DNAJC18: variants seen among roughly 807,000 people sequenced by gnomAD.
DNAJC18 encodes the protein DnaJ heat shock protein family (Hsp40) member C18, also known as dnaJ homolog subfamily C member 18.
DNAJC18 carries 40 observed loss-of-function variants against 48.6 expected under a neutral mutation model. That is an observed-to-expected ratio of 0.82 (90% CI 0.64 to 1.07). DNAJC18 has a LOEUF of 1.07. Among genes scored for constraint, DNAJC18 ranks in the 50% least tolerant of loss-of-function variants. The pLI, the probability that DNAJC18 is intolerant of heterozygous loss-of-function variation, is 0.00. For missense variants in DNAJC18, 340 were observed against 427.7 expected (o/e 0.79, Z 1.81); for synonymous variants, 135 against 152.2 (o/e 0.89, Z 0.83).
At position 139,424,905 on chromosome 5, in the gene DNAJC18, A is replaced by T. The variant is rs1195931799; in HGVS notation, c.669+100T>A. 3.0e-6 allele frequency: 3 copies of T among 1,012,118 alleles called. No homozygotes were observed. The African/African-American group carries it at 4.9e-5, about 16-fold the overall frequency. The allele number at this position is 1,012,118 out of a possible 1,614,324, so 62.7% of individuals were successfully genotyped here. A position where few individuals can be genotyped will look rare whatever the true frequency, so the allele number is the denominator to read the frequency against. On this transcript the variant is annotated intron_variant, in intron 5 of 7. Transcript: ENST00000302060. ...TCCTAAAGCACATCTTTCCTAAAGC[A>T]ACATATCTCAGGTTCAACTTCTAAA... is the stretch of plus-strand genomic sequence containing the variant.
At chr5:139,417,740 A>C (rs954945968) in intron 7 of DNAJC18, among the ~76,000 whole-genome samples, 1 of 151,826 alleles carries the variant, frequency 6.6e-6, no homozygotes, top group Admixed American at 6.6e-5. Flanking sequence ...CACCCAGCTA[A>C]TTTTTGTATT....
At chr5:139,421,392 T>C (rs1302773844) in intron 6 of DNAJC18, among the ~76,000 whole-genome samples, 3 of 152,052 alleles carry the variant, frequency 2.0e-5, no homozygotes, top group Non-Finnish European at 2.9e-5. Context: ...GGGATTACAG[T>C]GAGCCAAGAT....
intron 2 of DNAJC18, among the ~76,000 whole-genome samples, chr5:139,435,740 G>T (rs1750644175): frequency 1.7e-4 from 2 of 11,770 alleles, no homozygotes; most frequent in Non-Finnish European, 2.6e-4. Flanking sequence ...TTTCAGACAA[G>T]GTCTCCCTCT....
At chr5:139,437,314 A>C in intron 2 of DNAJC18, 58 bp downstream of exon 2, 2 of 1,525,162 alleles carry the variant, frequency 1.3e-6, no homozygotes, top group Non-Finnish European at 1.8e-6. Context: ...TAGCACATCC[A>C]GGCACTCTTC....
Position 139,426,244 on chromosome 5 carries a change from A to G in DNAJC18, c.487T>C (p.Tyr163His), listed in dbSNP as rs1375313196. The change falls in exon 4 of 8, where the codon TAC becomes CAC. Residue 163 changes from tyrosine (Y) to histidine (H), a missense_variant. Tyr to His is a moderately conservative substitution (Grantham distance 83). Coordinates refer to ENST00000302060, the MANE Select transcript of DNAJC18 (RefSeq NM_152686.4). ...GTGATGTCAGCTTCAAAATCCCTGTAATAATTATAAGGTCTGGCTCGAGGG... is the reference window on the plus strand; with the variant it reads ...GTGATGTCAGCTTCAAAATCCCTGTGATAATTATAAGGTCTGGCTCGAGGG... ...TAPRARPYNY[Y>H]RDFEADITPE... The G allele has an allele frequency of 1.9e-6, 3 of 1,614,116 alleles. No individual in the cohort carries two copies. The highest frequency in any genetic ancestry group is 2.5e-6 in the Non-Finnish European group (3 of 1,180,046).
At chr5:139,422,854 G>T in intron 5 of DNAJC18, 37 bp from the exon 6 acceptor site, 4 of 1,455,286 alleles carry the variant, frequency 2.7e-6, no homozygotes, top group East Asian at 2.3e-5. Flanking sequence ...TGCTGTAAGT[G>T]TTCTTTTTTT....
At chr5:139,425,310 C>T (rs1231042810) in intron 4 of DNAJC18, among the ~76,000 whole-genome samples, 196 bp from the exon 5 acceptor site, 3 of 152,068 alleles carry the variant, frequency 2.0e-5, no homozygotes, top group African/African-American at 7.2e-5. Flanking sequence ...ATTACAGGCA[C>T]CCGCCACCAT....
At chr5:139,437,105 CTGT>C (rs1213816974) in intron 2 of DNAJC18, among the ~76,000 whole-genome samples, 1 of 152,112 alleles carries the variant, frequency 6.6e-6, no homozygotes, top group Non-Finnish European at 1.5e-5. Context: ...GAAAATCGTT[CTGT>C]TGTTGTTGAA....
intron 3 of DNAJC18, among the ~76,000 whole-genome samples, chr5:139,427,920 A>G (rs926875504): frequency 7.2e-5 from 11 of 152,148 alleles, no homozygotes; most frequent in Non-Finnish European, 4.4e-5. Context: ...ACTACCTAGC[A>G]CTCAATGGTT....
chr5:139,439,518 C>CG lies in DNAJC18; in HGVS notation c.-74dup. 1.9e-6 allele frequency: 3 copies of CG among 1,610,568 alleles called. No homozygotes were observed. Among genetic ancestry groups the CG allele is most frequent in the Non-Finnish European group, 2.5e-6 (3 of 1,178,126 alleles). Reference sequence around the variant, plus strand: ...CTGAAAGAGAAGGGGGCGCGGAGCGCGGGGCACGCTGGTCATTGTAGTCCA... The same window carrying CG: ...CTGAAAGAGAAGGGGGCGCGGAGCGCGGGGGCACGCTGGTCATTGTAGTCCA... On this transcript the variant is annotated 5_prime_UTR_variant, in exon 1 of 8. Transcript: ENST00000302060. The surrounding 1 kb of genome is among the most constrained non-coding windows in gnomAD (Gnocchi z 4.1).
rs767895708 is a variant in DNAJC18 at position 139,439,373 on chromosome 5, G to A, written c.40+33C>T. On this transcript the variant is annotated intron_variant, in intron 1 of 7. Transcript: ENST00000302060. The surrounding 1 kb of genome is among the most constrained non-coding windows in gnomAD (Gnocchi z 4.1). ...TCATCCCTGATCTCTCCCGAAGGCC[G>A]CCCTATCCCTCCTTCAGGCGGGGAC... The A allele has an allele frequency of 1.2e-5, 20 of 1,614,026 alleles. No individual in the cohort carries two copies. Among genetic ancestry groups the A allele is most frequent in the East Asian group, 2.2e-5 (1 of 44,894 alleles).
chr5:139,435,705 G>GTTTTTTTTT (rs377125785), intron 2 of DNAJC18, among the ~76,000 whole-genome samples: 6,317 of 41,170 alleles, frequency 0.15, 2,549 homozygotes, highest in Middle Eastern at 0.21. Context: ...TTCATTGGAA[G>GTTTTTTTTT]TTTTTTTTTT....
chr5:139,439,269 T>C lies in DNAJC18; in HGVS notation c.40+137A>G. 3 of 1,413,916 alleles carry C rather than the reference T, an allele frequency of 2.1e-6. No individual in the cohort carries two copies. The highest frequency in any genetic ancestry group is 2.9e-6 in the Non-Finnish European group (3 of 1,020,658). 87.6% of individuals were successfully genotyped at this position (1,413,916 alleles called of 1,614,324 possible). ...TTCCCTACCCCATCCGCAACCCTAC[T>C]CAGGCTCAGCATCTTTTCACAGGCC... On this transcript the variant is annotated intron_variant, in intron 1 of 7. Coordinates refer to ENST00000302060, the MANE Select transcript of DNAJC18 (RefSeq NM_152686.4). This position sits in a 1 kb window ranked among gnomAD's most constrained non-coding sequence, Gnocchi z 4.1.
Position 139,428,589 on chromosome 5 carries a change from T to G in DNAJC18, c.322A>C (p.Lys108Gln). ...GCACAGTTCTTGTCAGGGTGAAATT[T>G]CAGGGCGAGTTTTCTGTAAGCTTTC... ...LKKAYRKLAL[K>Q]FHPDKNCAPG... The change falls in exon 3 of 8, where the codon AAA becomes CAA. Residue 108 changes from lysine to glutamine, a missense_variant. Transcript: ENST00000302060. The G allele has an allele frequency of 6.2e-7, 1 of 1,614,140 alleles. No individual in the cohort carries two copies. The highest frequency in any genetic ancestry group is 2.2e-5 in the East Asian group (1 of 44,890).
At chr5:139,432,443 G>A (rs964485763) in intron 2 of DNAJC18, among the ~76,000 whole-genome samples, 4 of 152,010 alleles carry the variant, frequency 2.6e-5, no homozygotes, top group Non-Finnish European at 2.9e-5. Context: ...GATTACAGGC[G>A]TGAGCCACCG....
At position 139,428,429 on chromosome 5, in the gene DNAJC18, GA is replaced by G. The variant is rs1205461207; in HGVS notation, c.373+108del. The stretch of plus-strand genomic sequence containing the variant: ...CACTATTTAAGAGGTGTGGCAGGGG[GA>G]AAAAACCCTCCTTATGGCCTTATAA... On this transcript the variant is annotated intron_variant, in intron 3 of 7. Coordinates refer to ENST00000302060, the MANE Select transcript of DNAJC18 (RefSeq NM_152686.4). 37 of 1,431,438 alleles carry G rather than the reference GA, an allele frequency of 2.6e-5. No individual in the cohort carries two copies. In the East Asian group the frequency reaches 4.7e-4, roughly 18 times the overall value. 88.7% of individuals were successfully genotyped at this position (1,431,438 alleles called of 1,614,324 possible).
In DNAJC18 at chr5:139,426,254, A is replaced by G. The variant is rs773464192; in HGVS notation, c.477T>C (p.Pro159=). 1.3e-5 allele frequency: 21 copies of G among 1,614,120 alleles called. No homozygotes were observed. The highest frequency in any genetic ancestry group is 2.7e-5 in the African/African-American group (2 of 74,940). Residue 159 remains proline (P), a synonymous_variant, in exon 4 of 8, where the codon CCT becomes CCC. Coordinates refer to ENST00000302060, the MANE Select transcript of DNAJC18 (RefSeq NM_152686.4). The stretch of plus-strand genomic sequence containing the variant: ...CTTCAAAATCCCTGTAATAATTATA[A>G]GGTCTGGCTCGAGGGGCAGTGAAAG... The part of the protein sequence containing the change: ...QVTFTAPRAR[P]YNYYRDFEAD...
intron 6 of DNAJC18, 93 bp from the exon 7 acceptor site, chr5:139,420,318 C>T (rs1480821924): frequency 1.6e-6 from 2 of 1,270,374 alleles, no homozygotes; most frequent in African/African-American, 3.1e-5. Flanking sequence ...TCATCATCTG[C>T]TCATAGAGCA....
At chr5:139,429,841 C>T (rs1178983149) in intron 2 of DNAJC18, among the ~76,000 whole-genome samples, 1 of 152,098 alleles carries the variant, frequency 6.6e-6, no homozygotes, top group Admixed American at 6.6e-5. Flanking sequence ...GCAGGTGGAT[C>T]ACTTAAGCCC....
Sources: allele counts gnomAD v4.1 joint callset (sites outside exome capture counted in the v4.1 genomes callset), GRCh38; gene constraint gnomAD v4.1.1; non-coding constraint Gnocchi (gnomAD v3.1); transcripts MANE v1.5; gene names NCBI Gene and HGNC (gene_info 2026-07-23, HGNC 2026-07-21).